Variants in LOC112694756 observed in about 807,000 individuals in gnomAD.
At chr16:30,067,032 A>G in the LOC112694756 span, 1 of 1,578,190 alleles carries the variant, frequency 6.3e-7, no homozygotes, top group Non-Finnish European at 8.6e-7. Context: ...AGACAGAGTT[A>G]GGAAAGGTAC....
chr16:30,058,529 A>G, the LOC112694756 span, among the ~76,000 whole-genome samples: 7 of 144,030 alleles, frequency 4.9e-5, no homozygotes, highest in Admixed American at 5.0e-4. Flanking sequence ...TCTGTCACCC[A>G]TGCTGGAGTG....
chr16:30,063,884 G>A, the LOC112694756 span: 1 of 399,076 alleles, frequency 2.5e-6, no homozygotes, highest in Non-Finnish European at 4.4e-6. Context: ...CCAGCCCCCA[G>A]GGCCCATGTG....
chr16:30,059,157 C>T, the LOC112694756 span: 3 of 393,574 alleles, frequency 7.6e-6, no homozygotes, highest in African/African-American at 6.2e-5. Context: ...GATTCTGATG[C>T]ACACAGGTTA....
At chr16:30,063,672 G>T in the LOC112694756 span, 1 of 399,160 alleles carries the variant, frequency 2.5e-6, no homozygotes, top group South Asian at 1.3e-4. Context: ...TCTCCCCTTA[G>T]AGAGCAACAG....
At chr16:30,056,988 G>A in the LOC112694756 span, among the ~76,000 whole-genome samples, 3 of 146,982 alleles carry the variant, frequency 2.0e-5, no homozygotes, top group Admixed American at 1.4e-4. Context: ...TCGGCTCACC[G>A]CAATCTCTGC....
At chr16:30,060,542 C>T in the LOC112694756 span, among the ~76,000 whole-genome samples, 2 of 152,154 alleles carry the variant, frequency 1.3e-5, no homozygotes, top group African/African-American at 4.8e-5. Context: ...CACATGGCTG[C>T]TTGTAACGGT....
At chr16:30,067,670 A>G in the LOC112694756 span, 1 of 1,613,964 alleles carries the variant, frequency 6.2e-7, no homozygotes, top group Non-Finnish European at 8.5e-7. Flanking sequence ...AGGTAAGGGG[A>G]GGGCCTCCGG....
chr16:30,054,649 G>T, the LOC112694756 span: 1 of 397,556 alleles, frequency 2.5e-6, no homozygotes, highest in African/African-American at 2.1e-5. Flanking sequence ...GAGTCAGGGT[G>T]TAGTCCTGTT....
the LOC112694756 span, chr16:30,064,798 A>C: frequency 6.8e-6 from 1 of 147,652 alleles, no homozygotes; most frequent in Non-Finnish European, 1.5e-5. Context: ...GGCCCCTTGC[A>C]GGACCGGGCC....
the LOC112694756 span, among the ~76,000 whole-genome samples, chr16:30,055,588 T>C: frequency 6.6e-6 from 1 of 152,160 alleles, no homozygotes; most frequent in African/African-American, 2.4e-5. Context: ...CCAGCACTTC[T>C]AAATGAAAGT....
At chr16:30,067,755 C>A in the LOC112694756 span, 1 of 1,457,694 alleles carries the variant, frequency 6.9e-7, no homozygotes, top group Non-Finnish European at 9.6e-7. Flanking sequence ...GGATTGGTGG[C>A]CTAGAGACTT....
At chr16:30,064,633 C>G in the LOC112694756 span, 1 of 395,642 alleles carries the variant, frequency 2.5e-6, no homozygotes, top group African/African-American at 2.1e-5. Context: ...TAGGTCCCTG[C>G]CAGAGGATCC....
At chr16:30,069,990 C>T in the LOC112694756 span, 1 of 1,613,828 alleles carries the variant, frequency 6.2e-7, no homozygotes, top group Non-Finnish European at 8.5e-7. Flanking sequence ...AGAAGGAGAA[C>T]CTGAAGGCTG....
At chr16:30,069,287 C>T in the LOC112694756 span, 1 of 1,613,920 alleles carries the variant, frequency 6.2e-7, no homozygotes, top group Non-Finnish European at 8.5e-7. Context: ...TCACAGTGAC[C>T]CTGTCCCTCG....
At chr16:30,062,571 G>A in the LOC112694756 span, among the ~76,000 whole-genome samples, 2 of 149,840 alleles carry the variant, frequency 1.3e-5, no homozygotes, top group Admixed American at 6.6e-5. Flanking sequence ...AGCCGAGCAC[G>A]GTGGTTCATG....
chr16:30,066,173 T>C, the LOC112694756 span: 1,829 of 152,420 alleles, frequency 0.012, 145 homozygotes, highest in East Asian at 0.22. Flanking sequence ...CTCCCCCTTT[T>C]CTTGCAGGGA....
the LOC112694756 span, among the ~76,000 whole-genome samples, chr16:30,057,732 G>A: frequency 6.6e-6 from 1 of 152,208 alleles, no homozygotes; most frequent in East Asian, 1.9e-4. Context: ...TCAGGTTTGG[G>A]GCTGAGGGGC....
the LOC112694756 span, chr16:30,067,635 T>A: frequency 6.2e-7 from 1 of 1,614,008 alleles, no homozygotes. Context: ...AGTTATCAAA[T>A]CCAAGGGCGG....
At chr16:30,068,780 C>T in the LOC112694756 span, 4 of 1,614,196 alleles carry the variant, frequency 2.5e-6, no homozygotes, top group Non-Finnish European at 2.5e-6. Flanking sequence ...ACCACATGCC[C>T]CTCCCCACCG....
Sources: allele counts gnomAD v4.1 joint callset (sites outside exome capture counted in the v4.1 genomes callset), GRCh38; gene constraint gnomAD v4.1.1; transcripts MANE v1.5.